The following LGALS9 variants were observed in gnomAD, a reference collection of about 807,000 sequenced individuals.
The protein encoded by LGALS9 is galectin-9.
LGALS9 carries 26 observed loss-of-function variants against 35.9 expected under a neutral mutation model. That is an observed-to-expected ratio of 0.72 (90% CI 0.53 to 1.01). The LOEUF is 1.01. Among genes scored for constraint, LGALS9 ranks in the 50% least tolerant of loss-of-function variants. LGALS9 has a pLI of 0.00. For missense variants in LGALS9, 347 were observed against 445.8 expected (o/e 0.78, Z 1.99); for synonymous variants, 149 against 172.2 (o/e 0.87, Z 1.06).
chr17:27,637,737 GCTT>G (rs1331859093), intron 1 of LGALS9, among the ~76,000 whole-genome samples: 4 of 152,326 alleles, frequency 2.6e-5, no homozygotes, highest in Admixed American at 1.3e-4. Context: ...GAGGGGGATG[GCTT>G]CTTCTTAACC....
chr17:27,640,035 C>CA (rs1904350609), intron 2 of LGALS9, among the ~76,000 whole-genome samples: 1 of 143,776 alleles, frequency 7.0e-6, no homozygotes, highest in Non-Finnish European at 1.6e-5. Flanking sequence ...CATGCCCAGC[C>CA]AATTTTTTTT....
intron 6 of LGALS9, 170 bp downstream of exon 6, chr17:27,645,519 A>G: frequency 8.9e-7 from 1 of 1,120,350 alleles, no homozygotes. Context: ...TGGGGGTTGG[A>G]TGAAACAACC....
At chr17:27,647,166 G>T (rs1905015777) in intron 9 of LGALS9, 48 bp downstream of exon 9, 1 of 1,614,104 alleles carries the variant, frequency 6.2e-7, no homozygotes, top group Non-Finnish European at 8.5e-7. Context: ...GCCCTTCAAG[G>T]TCAGTCCAGC....
intron 8 of LGALS9, 24 bp from the exon 9 acceptor site, chr17:27,647,006 G>A (rs377306486): frequency 6.2e-7 from 1 of 1,613,742 alleles, no homozygotes; most frequent in African/African-American, 1.3e-5. Flanking sequence ...CGTGGTGGCT[G>A]ACCTGTCCCC....
intron 6 of LGALS9, 28 bp from the exon 7 acceptor site, chr17:27,645,833 T>C (rs1300579306): frequency 2.1e-5 from 34 of 1,585,204 alleles, no homozygotes; most frequent in Non-Finnish European, 2.4e-5. Context: ...CGTGAGAGCC[T>C]GGGTGAGACC....
intron 9 of LGALS9, 64 bp from the exon 10 acceptor site, chr17:27,647,206 T>C (rs1309367548): frequency 2.1e-5 from 34 of 1,613,464 alleles, no homozygotes; most frequent in Non-Finnish European, 2.8e-5. Flanking sequence ...AGGCTACTGA[T>C]GATGGGGAGG....
chr17:27,635,070 G>A (rs1461890995), intron 1 of LGALS9, among the ~76,000 whole-genome samples: 1 of 152,148 alleles, frequency 6.6e-6, no homozygotes, highest in Non-Finnish European at 1.5e-5. Flanking sequence ...GGACTTTTAA[G>A]CTCTTTCCAA....
intron 6 of LGALS9, 187 bp from the exon 7 acceptor site, chr17:27,645,674 G>T (rs1723618227): frequency 1.6e-5 from 10 of 612,944 alleles, no homozygotes; most frequent in Admixed American, 1.5e-4. Flanking sequence ...CTTCTCCAGG[G>T]TTCTAACCTT....
chr17:27,640,674 G>A lies in LGALS9; in HGVS notation c.234G>A (p.Gln78=), dbSNP rs937884013. Residue 78 remains glutamine, a synonymous_variant, in exon 3 of 11, where the codon CAG becomes CAA. Coordinates refer to ENST00000395473, the MANE Select transcript of LGALS9 (RefSeq NM_009587.3). ...DGGYVVCNTR[Q]NGSWGPEERK... is the part of the protein sequence containing the mutation. ...GGTACGTGGTGTGCAACACGAGGCA[G>A]AACGGAAGCTGGGGGCCCGAGGAGA... The A allele has an allele frequency of 1.2e-6, 2 of 1,614,238 alleles. No individual in the cohort carries two copies. Among genetic ancestry groups the A allele is most frequent in the African/African-American group, 1.3e-5 (1 of 75,066 alleles).
intron 10 of LGALS9, 87 bp from the exon 11 acceptor site, chr17:27,648,749 G>C (rs998392089): frequency 6.2e-6 from 10 of 1,600,650 alleles, no homozygotes; most frequent in African/African-American, 4.1e-5. Context: ...TGAGGAGGGA[G>C]GGAGGGTGGG....
At chr17:27,636,986 C>A (rs2074459305) in intron 1 of LGALS9, among the ~76,000 whole-genome samples, 1 of 152,098 alleles carries the variant, frequency 6.6e-6, no homozygotes, top group Admixed American at 6.5e-5. Context: ...CACCACTCCC[C>A]CACCTGGCCA....
intron 1 of LGALS9, among the ~76,000 whole-genome samples, chr17:27,635,255 T>C (rs1362620123): frequency 2.6e-5 from 4 of 152,072 alleles, no homozygotes; most frequent in Admixed American, 2.0e-4. Context: ...AGGCAACACA[T>C]AGAGACCCCA....
Position 27,649,101 on chromosome 17 carries a change from A to C in LGALS9, c.*119A>C, listed in dbSNP as rs1229978124. On this transcript the variant is annotated 3_prime_UTR_variant, in exon 11 of 11. Transcript: ENST00000395473. ...GCCTGGGATCTGGGCTTTAATGCAGAGGCCATGTCCTTGTCTGGTCCTGCT... is the reference window on the plus strand; with the variant it reads ...GCCTGGGATCTGGGCTTTAATGCAGCGGCCATGTCCTTGTCTGGTCCTGCT... 4 of 1,495,672 alleles carry C rather than the reference A, an allele frequency of 2.7e-6. No homozygotes were observed. Among genetic ancestry groups the C allele is most frequent in the Non-Finnish European group, 3.7e-6 (4 of 1,093,170 alleles). The allele number at this position is 1,495,672 out of a possible 1,614,324, so 92.7% of individuals were successfully genotyped here.
rs762664779 is a variant in LGALS9, at chr17:27,647,348, C to T, written c.837C>T (p.Arg279=). 17 of 1,614,080 alleles carry T rather than the reference C, an allele frequency of 1.1e-5. No individual in the cohort carries two copies. In the African/African-American group the frequency reaches 1.3e-4, roughly 13 times the overall value. The change falls in exon 10 of 11, where the codon CGC becomes CGT. Residue 279 remains arginine, a synonymous_variant. Coordinates refer to ENST00000395473, the MANE Select transcript of LGALS9 (RefSeq NM_009587.3). ...GTTTTGATGAGAATGCTGTGGTCCGCAACACCCAGATCGACAACTCCTGGG... is the reference window on the plus strand; with the variant it reads ...GTTTTGATGAGAATGCTGTGGTCCGTAACACCCAGATCGACAACTCCTGGG... The part of the protein sequence containing the change: ...NPRFDENAVV[R]NTQIDNSWGS...
intron 10 of LGALS9, 146 bp downstream of exon 10, chr17:27,647,578 A>G: frequency 4.3e-6 from 5 of 1,166,874 alleles, no homozygotes; most frequent in Non-Finnish European, 6.0e-6. Flanking sequence ...CCAACAAATT[A>G]TTATTATTAT....
chr17:27,640,191 G>C (rs2093623906), intron 2 of LGALS9, among the ~76,000 whole-genome samples: 1 of 152,130 alleles, frequency 6.6e-6, no homozygotes, highest in Admixed American at 6.5e-5. Context: ...ATTTAATCAG[G>C]CATGTGCTGG....
At chr17:27,639,378 C>T (rs1292884484) in intron 2 of LGALS9, among the ~76,000 whole-genome samples, 1 of 149,294 alleles carries the variant, frequency 6.7e-6, no homozygotes, top group Non-Finnish European at 1.5e-5. Flanking sequence ...ACCAGGAGGG[C>T]TTCCCACTCC....
intron 1 of LGALS9, among the ~76,000 whole-genome samples, chr17:27,636,033 C>A (rs1190299692): frequency 6.6e-6 from 1 of 152,158 alleles, no homozygotes; most frequent in East Asian, 1.9e-4. Context: ...ACCTGAGGGG[C>A]AACAAAAGAC....
intron 8 of LGALS9, among the ~76,000 whole-genome samples, chr17:27,646,805 C>T (rs374563613): frequency 6.6e-6 from 1 of 152,216 alleles, no homozygotes; most frequent in African/African-American, 2.4e-5. Flanking sequence ...ATGTCCCTCC[C>T]TTTTCACCCC....
Sources: allele counts gnomAD v4.1 joint callset (sites outside exome capture counted in the v4.1 genomes callset), GRCh38; gene constraint gnomAD v4.1.1; transcripts MANE v1.5; gene names NCBI Gene and HGNC (gene_info 2026-07-23, HGNC 2026-07-21).